Variants in TMEM170A observed in about 807,000 individuals in gnomAD.
The protein encoded by TMEM170A is transmembrane protein 170.
Under a neutral mutation model 12.8 loss-of-function variants are expected in TMEM170A, and 18 were observed. That is an observed-to-expected ratio of 1.41 (90% confidence interval 0.97 to 2.09). TMEM170A has a LOEUF of 2.09. Ranked by LOEUF, TMEM170A falls within the 30% of genes most tolerant of loss-of-function variation. The pLI is 0.00. For synonymous variants in TMEM170A, 107 were observed against 76.2 expected (o/e 1.40, Z -2.11); for missense variants, 220 against 179.9 (o/e 1.22, Z -1.28).
chr16:75,464,422 C>A (rs37596), intron 1 of TMEM170A, 46 bp downstream of exon 1: 263,587 of 1,397,378 alleles, frequency 0.19, 28,101 homozygotes, highest in African/African-American at 0.44. Flanking sequence ...AGCACGGCAG[C>A]GGCGACGGCG....
intron 1 of TMEM170A, 64 bp downstream of exon 1, chr16:75,464,404 G>C (rs975581505): frequency 7.2e-7 from 1 of 1,384,840 alleles, no homozygotes; most frequent in Non-Finnish European, 9.3e-7. Flanking sequence ...CAGACTCGGG[G>C]CGCCCACAGC....
At chr16:75,449,599 A>G (rs1238342909) in intron 2 of TMEM170A, among the ~76,000 whole-genome samples, 1 of 152,208 alleles carries the variant, frequency 6.6e-6, no homozygotes, top group Non-Finnish European at 1.5e-5. Flanking sequence ...GATTACAGGC[A>G]TAAGCCACCA....
chr16:75,464,341 T>A lies in TMEM170A; in HGVS notation c.133+127A>T, dbSNP rs1260470811. On this transcript the variant is annotated intron_variant, in intron 1 of 2. Transcript: ENST00000561878. The stretch of plus-strand genomic sequence containing the variant: ...CTCCGGGCGAGCAGCACGGCCCCCC[T>A]CCCGGAGGACAGCGCCCACGCCGCC... 35 of 1,370,300 alleles carry A rather than the reference T, an allele frequency of 2.6e-5. No homozygotes were observed. In the East Asian group the frequency reaches 1.1e-3, roughly 43 times the overall value. 84.9% of individuals were successfully genotyped at this position (1,370,300 alleles called of 1,614,324 possible).
chr16:75,464,113 AG>A, intron 1 of TMEM170A: 1 of 1,141,448 alleles, frequency 8.8e-7, no homozygotes, highest in Non-Finnish European at 1.2e-6. Flanking sequence ...CAACCCAGGC[AG>A]GGCGGGGACC....
At chr16:75,450,461 G>A (rs901283402) in intron 2 of TMEM170A, among the ~76,000 whole-genome samples, 5 of 152,008 alleles carry the variant, frequency 3.3e-5, no homozygotes, top group African/African-American at 1.2e-4. Context: ...ATTTATGCAT[G>A]AGCTTTGAAA....
At chr16:75,458,148 T>C (rs1355558889) in intron 1 of TMEM170A, 3 of 152,234 alleles carry the variant, frequency 2.0e-5, no homozygotes, top group African/African-American at 4.8e-5. Flanking sequence ...ACAGTATTTA[T>C]TTGTTCACTG....
At chr16:75,464,342 C>G (rs1288153380) in intron 1 of TMEM170A, 126 bp downstream of exon 1, 7 of 1,365,380 alleles carry the variant, frequency 5.1e-6, no homozygotes, top group Non-Finnish European at 6.6e-6. Flanking sequence ...CGGCCCCCCT[C>G]CCGGAGGACA....
In TMEM170A at chr16:75,464,418, G is replaced by A. The variant is rs2079961619; in HGVS notation, c.133+50C>T. On this transcript the variant is annotated intron_variant, in intron 1 of 2. Coordinates refer to ENST00000561878, the MANE Select transcript of TMEM170A (RefSeq NM_145254.3). ...CCAGACTCGGGGCGCCCACAGCACG[G>A]CAGCGGCGACGGCGGGGCGCGCAGT... is the stretch of plus-strand genomic sequence containing the variant. 6.4e-6 allele frequency: 9 copies of A among 1,398,742 alleles called. No individual in the cohort carries two copies. The South Asian group carries it at 9.7e-5, about 15-fold the overall frequency. The allele number at this position is 1,398,742 out of a possible 1,614,324, so 86.6% of individuals were successfully genotyped here.
intron 1 of TMEM170A, among the ~76,000 whole-genome samples, chr16:75,452,121 G>A (rs963930315): frequency 2.0e-5 from 3 of 152,008 alleles, no homozygotes; most frequent in East Asian, 3.9e-4. Context: ...ACAGGCACCC[G>A]CCACCGCGCC....
intron 1 of TMEM170A, among the ~76,000 whole-genome samples, chr16:75,459,227 G>C (rs1216282001): frequency 1.3e-5 from 2 of 152,142 alleles, no homozygotes; most frequent in African/African-American, 4.8e-5. Context: ...CATATTCAGA[G>C]AGATACTGCA....
In TMEM170A at chr16:75,446,633, T is replaced by TAGACCC. The variant is rs2079591152; in HGVS notation, c.*924_*925insGGGTCT. 1 of 152,204 alleles carries TAGACCC rather than the reference T, an allele frequency of 6.6e-6. No homozygotes were observed. 9.4% of individuals were successfully genotyped at this position (152,204 alleles called of 1,614,324 possible). A position where few individuals can be genotyped will look rare whatever the true frequency, so the allele number is the denominator to read the frequency against. ...AACTCTAGTTTCAGATGCACTTCTA[T>TAGACCC]AGTTTCTCAAGGGTCATTAGTATAC... On this transcript the variant is annotated 3_prime_UTR_variant, in exon 3 of 3. Transcript: ENST00000561878.
At chr16:75,462,630 T>C (rs2079927672) in intron 1 of TMEM170A, among the ~76,000 whole-genome samples, 1 of 152,232 alleles carries the variant, frequency 6.6e-6, no homozygotes. Flanking sequence ...ACCTAGATTG[T>C]AAAACAGTCT....
chr16:75,453,823 A>G (rs1410415599), intron 1 of TMEM170A, among the ~76,000 whole-genome samples: 1 of 152,236 alleles, frequency 6.6e-6, no homozygotes, highest in African/African-American at 2.4e-5. Context: ...ACATATAATC[A>G]TCAACTATGT....
chr16:75,461,564 A>G (rs1204793612), intron 1 of TMEM170A, among the ~76,000 whole-genome samples: 1 of 152,242 alleles, frequency 6.6e-6, no homozygotes, highest in Non-Finnish European at 1.5e-5. Flanking sequence ...GATTCAGGAC[A>G]ATGAATGCAA....
chr16:75,453,309 C>G (rs2079722293), intron 1 of TMEM170A, among the ~76,000 whole-genome samples: 1 of 152,148 alleles, frequency 6.6e-6, no homozygotes, highest in South Asian at 2.1e-4. Flanking sequence ...TATTGCATAC[C>G]TGTAGTCCTA....
chr16:75,453,537 G>A (rs2079726895), intron 1 of TMEM170A, among the ~76,000 whole-genome samples: 1 of 152,214 alleles, frequency 6.6e-6, no homozygotes, highest in Non-Finnish European at 1.5e-5. Flanking sequence ...AATGCCTGTT[G>A]ATCTTTCCTG....
rs190600028 is a variant in TMEM170A, at chr16:75,445,056, C to T, written c.*2502G>A. 1.1e-4 allele frequency: 16 copies of T among 152,278 alleles called. No homozygotes were observed. Among genetic ancestry groups the T allele is most frequent in the Admixed American group, 9.8e-4 (15 of 15,298 alleles). The allele number at this position is 152,278 out of a possible 1,614,324, so 9.4% of individuals were successfully genotyped here. On this transcript the variant is annotated 3_prime_UTR_variant, in exon 3 of 3. Coordinates refer to ENST00000561878, the MANE Select transcript of TMEM170A (RefSeq NM_145254.3). ...TCAAAAGACATTTTTCAGTAAGAGGCATCCTTCAGTAGAGATGATGGCAAT... is the reference window on the plus strand; with the variant it reads ...TCAAAAGACATTTTTCAGTAAGAGGTATCCTTCAGTAGAGATGATGGCAAT...
chr16:75,455,666 G>T (rs1464696353), intron 1 of TMEM170A, among the ~76,000 whole-genome samples: 1 of 152,058 alleles, frequency 6.6e-6, no homozygotes, highest in Admixed American at 6.5e-5. Flanking sequence ...TTAGCCGGGC[G>T]TGGTGGCAAA....
intron 1 of TMEM170A, among the ~76,000 whole-genome samples, chr16:75,461,563 C>T (rs2079909256): frequency 6.6e-6 from 1 of 152,194 alleles, no homozygotes; most frequent in African/African-American, 2.4e-5. Flanking sequence ...AGATTCAGGA[C>T]AATGAATGCA....
Sources: gnomAD v4.1 joint callset for allele counts (sites outside exome capture counted in the v4.1 genomes callset) on GRCh38, gnomAD v4.1.1 for gene constraint, MANE v1.5 for transcripts, NCBI Gene and HGNC (gene_info 2026-07-23, HGNC 2026-07-21) for gene names.